PLCB4: variants seen among roughly 807,000 people sequenced by gnomAD.
PLCB4 encodes phospholipase C beta 4, also known as 1-phosphatidylinositol 4,5-bisphosphate phosphodiesterase beta-4.
PLCB4 carries 77 observed loss-of-function variants against 178.8 expected under a neutral mutation model. The observed-to-expected ratio is 0.43, with a 90% CI of 0.36 to 0.52. The LOEUF is 0.52. PLCB4 is among the 20% of genes least tolerant of loss of function. The pLI is 0.00. For missense variants in PLCB4, 1,024 were observed against 1,453.4 expected, an observed-to-expected ratio of 0.70 and a Z score of 4.80; for synonymous variants, 496 against 490.8, an observed-to-expected ratio of 1.01 and a Z score of -0.14.
At chr20:9,330,509 A>G (rs2031482550) in intron 4 of PLCB4, among the ~76,000 whole-genome samples, 1 of 152,308 alleles carries the variant, frequency 6.6e-6, no homozygotes, top group Non-Finnish European at 1.5e-5. Context: ...AGTTTGCCCA[A>G]GTCAGACAGG....
At chr20:9,236,143 A>G (rs1045961224) in intron 3 of PLCB4, among the ~76,000 whole-genome samples, 2 of 152,084 alleles carry the variant, frequency 1.3e-5, no homozygotes, top group African/African-American at 4.8e-5. Context: ...TATACCTTAG[A>G]TTAATTTTGT....
intron 1 of PLCB4, among the ~76,000 whole-genome samples, chr20:9,069,952 C>G (rs2089482772): frequency 6.6e-6 from 1 of 152,150 alleles, no homozygotes; most frequent in African/African-American, 2.4e-5. Context: ...TTCCTCTTAA[C>G]TTCTGTAGTG....
intron 2 of PLCB4, among the ~76,000 whole-genome samples, chr20:9,125,162 C>A (rs1042077968): frequency 6.6e-6 from 1 of 152,048 alleles, no homozygotes; most frequent in African/African-American, 2.4e-5. Context: ...AGTTTAGCTG[C>A]CTTCTGAAGC....
intron 35 of PLCB4, among the ~76,000 whole-genome samples, chr20:9,468,229 G>A (rs1373408950): frequency 1.3e-5 from 2 of 151,986 alleles, no homozygotes; most frequent in Admixed American, 1.3e-4. Context: ...CATCCACATA[G>A]CTTGGGGTCC....
intron 35 of PLCB4, among the ~76,000 whole-genome samples, chr20:9,464,490 G>T (rs1247340668): frequency 6.6e-6 from 1 of 151,944 alleles, no homozygotes; most frequent in East Asian, 1.9e-4. Context: ...ATGAATCCGG[G>T]AGCTGGTTTT....
intron 3 of PLCB4, among the ~76,000 whole-genome samples, chr20:9,270,544 G>A (rs1315520134): frequency 6.6e-6 from 1 of 152,070 alleles, no homozygotes; most frequent in Middle Eastern, 3.2e-3. Flanking sequence ...TTGTGTGTAT[G>A]TACCATTCAT....
intron 2 of PLCB4, among the ~76,000 whole-genome samples, chr20:9,184,073 C>G (rs556231834): frequency 6.6e-6 from 1 of 152,130 alleles, no homozygotes; most frequent in South Asian, 2.1e-4. Flanking sequence ...AAATCTAAAG[C>G]CATTGGAAGG....
chr20:9,099,289 G>T (rs1390855864), intron 2 of PLCB4, among the ~76,000 whole-genome samples: 1 of 152,026 alleles, frequency 6.6e-6, no homozygotes, highest in East Asian at 1.9e-4. Context: ...TCAGAAGAAA[G>T]AAATACTCAG....
At chr20:9,152,357 A>G (rs549672308) in intron 2 of PLCB4, among the ~76,000 whole-genome samples, 2 of 152,280 alleles carry the variant, frequency 1.3e-5, no homozygotes, top group East Asian at 1.9e-4. Flanking sequence ...GTCTAGGAGG[A>G]AAAAATGATT....
intron 30 of PLCB4, among the ~76,000 whole-genome samples, chr20:9,441,641 G>T (rs2042110247): frequency 6.6e-6 from 1 of 152,182 alleles, no homozygotes. Flanking sequence ...ACTTCTCAGA[G>T]GTCTCCTCTT....
chr20:9,381,268 T>C (rs1270048332), intron 13 of PLCB4, among the ~76,000 whole-genome samples: 2 of 152,206 alleles, frequency 1.3e-5, no homozygotes, highest in Non-Finnish European at 2.9e-5. Flanking sequence ...GGTGATATGA[T>C]TCTTGTCACT....
intron 2 of PLCB4, among the ~76,000 whole-genome samples, chr20:9,161,806 T>C (rs1481453153): frequency 6.6e-6 from 1 of 152,168 alleles, no homozygotes; most frequent in East Asian, 1.9e-4. Flanking sequence ...TTTTCACTTT[T>C]TAGATTCTAC....
At chr20:9,455,922 G>A (rs2276480) in intron 33 of PLCB4, among the ~76,000 whole-genome samples, 33,423 of 152,030 alleles carry the variant, frequency 0.22, 4,143 homozygotes, top group East Asian at 0.36. Flanking sequence ...TGCAACCTCC[G>A]CCTCCCAGGT....
intron 2 of PLCB4, among the ~76,000 whole-genome samples, chr20:9,203,496 G>T (rs1427127443): frequency 6.6e-6 from 1 of 152,122 alleles, no homozygotes; most frequent in African/African-American, 2.4e-5. Flanking sequence ...AGTTTAATTT[G>T]CACAGATCAT....
chr20:9,280,758 A>G (rs536242357), intron 3 of PLCB4, among the ~76,000 whole-genome samples: 1 of 152,034 alleles, frequency 6.6e-6, no homozygotes, highest in South Asian at 2.1e-4. Flanking sequence ...GTCCTTACTG[A>G]GCATGCTGAA....
At chr20:9,301,371 A>G (rs2094701390) in intron 3 of PLCB4, among the ~76,000 whole-genome samples, 1 of 151,932 alleles carries the variant, frequency 6.6e-6, no homozygotes. Flanking sequence ...GCACATGTCC[A>G]GAGACAAAAA....
intron 2 of PLCB4, among the ~76,000 whole-genome samples, chr20:9,176,206 G>A (rs1185584208): frequency 6.6e-6 from 1 of 152,100 alleles, no homozygotes; most frequent in Non-Finnish European, 1.5e-5. Flanking sequence ...ACATTGCTGA[G>A]TAATATTCAA....
intron 2 of PLCB4, among the ~76,000 whole-genome samples, chr20:9,151,916 C>T (rs1231323036): frequency 6.6e-6 from 1 of 152,084 alleles, no homozygotes; most frequent in Non-Finnish European, 1.5e-5. Flanking sequence ...AAAATCCAGG[C>T]TGAGGTGATC....
At chr20:9,423,075 T>A (rs940511519) in intron 27 of PLCB4, among the ~76,000 whole-genome samples, 2 of 152,248 alleles carry the variant, frequency 1.3e-5, no homozygotes, top group African/African-American at 2.4e-5. Flanking sequence ...TCAGATTTTA[T>A]GTTCATTTAT....
Sources: gnomAD v4.1 joint callset for allele counts (sites outside exome capture counted in the v4.1 genomes callset) on GRCh38, gnomAD v4.1.1 for gene constraint, MANE v1.5 for transcripts, NCBI Gene and HGNC (gene_info 2026-07-23, HGNC 2026-07-21) for gene names.